AFAP1L1: variants seen among roughly 807,000 people sequenced by gnomAD.
AFAP1L1 encodes the protein actin filament-associated protein 1-like 1.
In AFAP1L1, 77 loss-of-function variants were observed where a neutral mutation model predicts 99.8. That is an observed-to-expected ratio of 0.77 (90% CI 0.64 to 0.93). The LOEUF (loss-of-function observed/expected upper bound fraction) is 0.93, where lower values mean the gene tolerates loss of function less well. AFAP1L1 is among the 40% of genes least tolerant of loss of function. AFAP1L1 has a pLI of 0.00. For missense variants in AFAP1L1, 893 were observed against 996.8 expected (o/e 0.90, Z 1.40); for synonymous variants, 373 against 395.3 (o/e 0.94, Z 0.67).
chr5:149,289,551 A>G (rs1755789379), intron 1 of AFAP1L1, among the ~76,000 whole-genome samples: 1 of 152,018 alleles, frequency 6.6e-6, no homozygotes, highest in Admixed American at 6.6e-5. Context: ...TGTCTTAGTG[A>G]TAAACAATGC....
At chr5:149,338,848 C>T (rs1040992526) in intron 18 of AFAP1L1, among the ~76,000 whole-genome samples, 2 of 152,116 alleles carry the variant, frequency 1.3e-5, no homozygotes, top group Non-Finnish European at 2.9e-5. Flanking sequence ...GAGGGAAGGA[C>T]GAACCAGGCA....
chr5:149,274,167 C>G (rs1295016225), intron 1 of AFAP1L1, among the ~76,000 whole-genome samples: 1 of 152,140 alleles, frequency 6.6e-6, no homozygotes, highest in Admixed American at 6.5e-5. Context: ...CCTCCCTACC[C>G]AGAAGTAAGC....
chr5:149,333,086 G>T (rs888334772), intron 17 of AFAP1L1, among the ~76,000 whole-genome samples: 3 of 152,224 alleles, frequency 2.0e-5, no homozygotes, highest in Admixed American at 1.3e-4. Context: ...GCCTGTTCTT[G>T]TCTCCACAAC....
intron 1 of AFAP1L1, among the ~76,000 whole-genome samples, chr5:149,288,014 G>C (rs921286569): frequency 4.6e-5 from 7 of 152,160 alleles, no homozygotes; most frequent in African/African-American, 1.7e-4. Context: ...CATACCCCTA[G>C]TCAGAGGCTT....
At chr5:149,272,321 A>C (rs1330378588) in intron 1 of AFAP1L1, among the ~76,000 whole-genome samples, 1 of 152,348 alleles carries the variant, frequency 6.6e-6, no homozygotes, top group East Asian at 1.9e-4. Flanking sequence ...CTAAAGGGGA[A>C]AACAAGGTGT....
In AFAP1L1 at chr5:149,315,771, G is replaced by A. The variant is rs141242346; in HGVS notation, c.1021-50G>A. ...ATTGAACCAATAAAGGGAAATTTGGGTACTTCTGAATGTGCCCTCTGATGA... is the reference window on the plus strand; with the variant it reads ...ATTGAACCAATAAAGGGAAATTTGGATACTTCTGAATGTGCCCTCTGATGA... On this transcript the variant is annotated intron_variant, in intron 9 of 18. Transcript: ENST00000296721. 9.6e-4 allele frequency: 1,468 copies of A among 1,527,292 alleles called. 3 individuals carry two copies. The highest frequency in any genetic ancestry group is 1.5e-3 in the Middle Eastern group (9 of 5,872). The allele number at this position is 1,527,292 out of a possible 1,614,324, so 94.6% of individuals were successfully genotyped here.
Position 149,306,397 on chromosome 5 carries a change from G to A in AFAP1L1, c.528G>A (p.Lys176=). 2 of 1,610,580 alleles carry A rather than the reference G, an allele frequency of 1.2e-6. No homozygotes were observed. Among genetic ancestry groups the A allele is most frequent in the Non-Finnish European group, 1.7e-6 (2 of 1,178,282 alleles). ...YPATRVNGEL[K]SSYNDSDAMS... ...CAACCAGGGTGAACGGCGAGCTTAA[G>A]AGCTCCTGTAAGTACCAGGTGGGCG... The change falls in exon 6 of 19, where the codon AAG becomes AAA. Residue 176 remains lysine, a synonymous_variant. Coordinates refer to ENST00000296721, the MANE Select transcript of AFAP1L1 (RefSeq NM_152406.4).
chr5:149,305,272 T>TA, intron 5 of AFAP1L1, among the ~76,000 whole-genome samples: 1 of 152,352 alleles, frequency 6.6e-6, no homozygotes, highest in East Asian at 1.9e-4. Flanking sequence ...GGTCACTCAG[T>TA]AAATGATAGA....
rs367743792 is a variant in AFAP1L1, at chr5:149,295,962, A to T, written c.17-3547A>T. On this transcript the variant is annotated intron_variant, in intron 1 of 18. Transcript: ENST00000296721. ...ATCTTTGTGTTCTTGTGTTTTAAAG[A>T]TTTTTCAGTTTTAATGTTAATGCAA... Among the ~76,000 whole-genome samples the T allele has an allele frequency of 5.3e-4, 81 of 152,306 alleles. No individual in the cohort carries two copies. The East Asian group carries it at 8.9e-3, about 17-fold the overall frequency.
At chr5:149,299,894 CCA>C (rs147524618) in intron 2 of AFAP1L1, among the ~76,000 whole-genome samples, 1 of 151,802 alleles carries the variant, frequency 6.6e-6, no homozygotes, top group Non-Finnish European at 1.5e-5. Flanking sequence ...CCCCTGCCCT[CCA>C]CACACACACA....
In AFAP1L1 at chr5:149,320,118, G is replaced by C. The variant is rs751133669; in HGVS notation, c.1626-273G>C. On this transcript the variant is annotated intron_variant, in intron 13 of 18. Coordinates refer to ENST00000296721, the MANE Select transcript of AFAP1L1 (RefSeq NM_152406.4). The surrounding 1 kb of genome is among the most constrained non-coding windows in gnomAD (Gnocchi z 4.0). Reference sequence around the variant, plus strand: ...ACCACCAGCAGTGGAAGCTTGCACTGGTTGCTTGCCATCTCGGATCTCTGT... The same window carrying C: ...ACCACCAGCAGTGGAAGCTTGCACTCGTTGCTTGCCATCTCGGATCTCTGT... 4.6e-5 allele frequency among the ~76,000 whole-genome samples: 7 copies of C among 152,212 alleles called. No individual in the cohort carries two copies. Among genetic ancestry groups the C allele is most frequent in the Non-Finnish European group, 1.0e-4 (7 of 68,038 alleles).
At chr5:149,302,598 TC>T in intron 5 of AFAP1L1, 72 bp downstream of exon 5, 1 of 1,325,942 alleles carries the variant, frequency 7.5e-7, no homozygotes, top group Non-Finnish European at 1.0e-6. Context: ...TTCCTCTGTG[TC>T]CTGTGGGAGC....
chr5:149,286,034 G>A (rs1035626234), intron 1 of AFAP1L1, among the ~76,000 whole-genome samples: 7 of 152,138 alleles, frequency 4.6e-5, no homozygotes, highest in South Asian at 2.1e-4. Context: ...CTACTCTGGC[G>A]CATAGAACAG....
intron 1 of AFAP1L1, among the ~76,000 whole-genome samples, chr5:149,298,789 A>G (rs1756094194): frequency 6.6e-6 from 1 of 152,220 alleles, no homozygotes; most frequent in Non-Finnish European, 1.5e-5. Context: ...TGCAACTCAG[A>G]TGGTCCAGGA....
chr5:149,307,542 T>C lies in AFAP1L1; in HGVS notation c.676T>C (p.Phe226Leu). The C allele has an allele frequency of 6.2e-7, 1 of 1,614,036 alleles. No individual in the cohort carries two copies. The highest frequency in any genetic ancestry group is 8.5e-7 in the Non-Finnish European group (1 of 1,180,012). The change falls in exon 7 of 19, where the codon TTC becomes CTC. Residue 226 changes from phenylalanine (F) to leucine (L), a missense_variant. Coordinates refer to ENST00000296721, the MANE Select transcript of AFAP1L1 (RefSeq NM_152406.4). ...GGTGAGGGAATGCAGGATATGTGCC[T>C]TCCTGCTGCGGAAAAAGCGTTTCGG... is the stretch of plus-strand genomic sequence containing the variant. ...HLVRECRICAFLLRKKRFGQW... is the reference protein window; with the variant it reads ...HLVRECRICALLLRKKRFGQW...
In AFAP1L1 at chr5:149,320,528, C is replaced by A; in HGVS notation, c.1698+65C>A. On this transcript the variant is annotated intron_variant, in intron 14 of 18. Transcript: ENST00000296721. This position sits in a 1 kb window ranked among gnomAD's most constrained non-coding sequence, Gnocchi z 4.0. ...CACTTATTAGCTCTCCCTCTTTCTG[C>A]TCCCTTTACCTTCTGCCTCAGAAAG... The A allele has an allele frequency of 2.1e-6, 3 of 1,403,172 alleles. No individual in the cohort carries two copies. Among genetic ancestry groups the A allele is most frequent in the Non-Finnish European group, 3.0e-6 (3 of 992,070 alleles). The allele number at this position is 1,403,172 out of a possible 1,614,324, so 86.9% of individuals were successfully genotyped here. A position where few individuals can be genotyped will look rare whatever the true frequency, so the allele number is the denominator to read the frequency against.
At chr5:149,302,158 T>C (rs1756242529) in intron 4 of AFAP1L1, among the ~76,000 whole-genome samples, 1 of 152,244 alleles carries the variant, frequency 6.6e-6, no homozygotes, top group Non-Finnish European at 1.5e-5. Flanking sequence ...ATGTGCTCAG[T>C]AAAAAGTATG....
At position 149,322,713 on chromosome 5, in the gene AFAP1L1, C is replaced by G; in HGVS notation, c.1806C>G (p.Ala602=). ...VDPQVKVKRH[A]SSANQYKYGK... ...CGCAGGTCAAAGTCAAACGCCACGC[C>G]TCCAGTGAGTTGTGTGTGGGCCTCC... Residue 602 remains alanine, a synonymous_variant, in exon 15 of 19, where the codon GCC becomes GCG. Coordinates refer to ENST00000296721, the MANE Select transcript of AFAP1L1 (RefSeq NM_152406.4). The G allele has an allele frequency of 6.3e-7, 1 of 1,579,228 alleles. No individual in the cohort carries two copies. Among genetic ancestry groups the G allele is most frequent in the Non-Finnish European group, 8.6e-7 (1 of 1,161,150 alleles).
intron 5 of AFAP1L1, among the ~76,000 whole-genome samples, chr5:149,303,039 G>A (rs1003873762): frequency 6.6e-6 from 1 of 152,112 alleles, no homozygotes; most frequent in Non-Finnish European, 1.5e-5. Flanking sequence ...GAGTAGAGTG[G>A]GGGTACCCAG....
Sources: allele counts gnomAD v4.1 joint callset (sites outside exome capture counted in the v4.1 genomes callset), GRCh38; gene constraint gnomAD v4.1.1; non-coding constraint Gnocchi (gnomAD v3.1); transcripts MANE v1.5; gene names NCBI Gene and HGNC (gene_info 2026-07-23, HGNC 2026-07-21).